The following MEGF10 variants were observed in gnomAD, a reference collection of about 807,000 sequenced individuals.
The protein encoded by MEGF10 is multiple EGF like domains 10, also known as multiple epidermal growth factor-like domains protein 10.
A neutral mutation model predicts 147.5 loss-of-function variants in MEGF10; 86 were observed. The ratio of observed to expected loss-of-function variants is 0.58; its 90% CI spans 0.49 to 0.70. The LOEUF (loss-of-function observed/expected upper bound fraction) is 0.70. Ranked by LOEUF, MEGF10 falls within the 30% of genes least tolerant of loss-of-function variation. MEGF10 has a pLI of 0.00. For synonymous variants in MEGF10, 478 were observed against 525.5 expected (o/e 0.91, Z 1.24); for missense variants, 1,329 against 1,487.3 (o/e 0.89, Z 1.75).
At chr5:127,308,709 G>A (rs2546803) in intron 1 of MEGF10, among the ~76,000 whole-genome samples, 92,982 of 145,996 alleles carry the variant, frequency 0.64, 30,203 homozygotes, top group Middle Eastern at 0.69. Flanking sequence ...ACCAGAGCCT[G>A]TTGTGGGGTG....
chr5:127,408,186 T>C (rs1764406185), intron 8 of MEGF10, among the ~76,000 whole-genome samples: 1 of 152,190 alleles, frequency 6.6e-6, no homozygotes, highest in African/African-American at 2.4e-5. Context: ...TAACAGATAA[T>C]TTCCCAGGCT....
At chr5:127,387,570 C>T (rs939178599) in intron 5 of MEGF10, among the ~76,000 whole-genome samples, 3 of 152,160 alleles carry the variant, frequency 2.0e-5, no homozygotes, top group Non-Finnish European at 2.9e-5. Flanking sequence ...TAATTGATGA[C>T]CATCACTTCT....
Position 127,457,518 on chromosome 5 carries a change from A to C in MEGF10, c.*200A>C. ...TCAGGTGGATTCGAAGGAGTTAGAG[A>C]TGTGATTTCCCATTGCTGTTAGTTT... On this transcript the variant is annotated 3_prime_UTR_variant, in exon 25 of 25. Coordinates refer to ENST00000503335, the MANE Select transcript of MEGF10 (RefSeq NM_001256545.2). 1 of 579,362 alleles carries C rather than the reference A, an allele frequency of 1.7e-6. No individual in the cohort carries two copies. The allele number at this position is 579,362 out of a possible 1,614,324, so 35.9% of individuals were successfully genotyped here.
At chr5:127,267,916 T>A in the MEGF10 span, among the ~76,000 whole-genome samples, 1 of 152,214 alleles carries the variant, frequency 6.6e-6, no homozygotes. Context: ...TGTCTCTATC[T>A]CCTTCAGTTC....
At chr5:127,372,470 A>C (rs1762882066) in intron 5 of MEGF10, among the ~76,000 whole-genome samples, 2 of 152,168 alleles carry the variant, frequency 1.3e-5, no homozygotes. Flanking sequence ...AATCAACTGC[A>C]GATGTTATTT....
rs140941993 is a variant in MEGF10 at position 127,392,695 on chromosome 5, G to A, written c.413-3837G>A. Among the ~76,000 whole-genome samples the A allele has an allele frequency of 3.1e-3, 471 of 152,294 alleles. 4 individuals are homozygous for A. Among genetic ancestry groups the A allele is most frequent in the African/African-American group, 0.011 (449 of 41,556 alleles). On this transcript the variant is annotated intron_variant, in intron 5 of 24. Transcript: ENST00000503335. ...ACCCAGCCCGTGAATGTAACCTGGGGTTACTGGGGTATTGGAAGTTATAAC... is the reference window on the plus strand; with the variant it reads ...ACCCAGCCCGTGAATGTAACCTGGGATTACTGGGGTATTGGAAGTTATAAC...
In MEGF10 at chr5:127,459,811, T is replaced by C. The variant is rs988941956; in HGVS notation, c.*2493T>C. The C allele has an allele frequency of 6.6e-6, 1 of 152,208 alleles. No homozygotes were observed. The highest frequency in any genetic ancestry group is 2.4e-5 in the African/African-American group (1 of 41,458). The allele number at this position is 152,208 out of a possible 1,614,324, so 9.4% of individuals were successfully genotyped here. ...GACTTTTCAAACATCAGGACACACATAGCAATTTGGATGTTGTAAAACTAC... is the reference window on the plus strand; with the variant it reads ...GACTTTTCAAACATCAGGACACACACAGCAATTTGGATGTTGTAAAACTAC... On this transcript the variant is annotated 3_prime_UTR_variant, in exon 25 of 25. Coordinates refer to ENST00000503335, the MANE Select transcript of MEGF10 (RefSeq NM_001256545.2).
At chr5:127,270,599 TACAAAGA>T in the MEGF10 span, among the ~76,000 whole-genome samples, 21 of 152,264 alleles carry the variant, frequency 1.4e-4, no homozygotes, top group African/African-American at 4.3e-4. Flanking sequence ...CTTAGAGACT[TACAAAGA>T]GACTTAGACT....
At chr5:127,392,158 G>A (rs1294949760) in intron 5 of MEGF10, among the ~76,000 whole-genome samples, 1 of 152,172 alleles carries the variant, frequency 6.6e-6, no homozygotes, top group Non-Finnish European at 1.5e-5. Flanking sequence ...GAGTACTGAG[G>A]GAGCAAGAGG....
Position 127,339,108 on chromosome 5 carries a change from A to G in MEGF10, c.117-12A>G. 1 of 1,539,198 alleles carries G rather than the reference A, an allele frequency of 6.5e-7. No homozygotes were observed. The highest frequency in any genetic ancestry group is 8.9e-7 in the Non-Finnish European group (1 of 1,124,324). ...AGAAATACTGATTTCTTATTTTTCC[A>G]TTTCTTTTCAGCTACTCAGTGACTG... On this transcript the variant is annotated splice_polypyrimidine_tract_variant and intron_variant, in intron 2 of 24. Transcript: ENST00000503335.
chr5:127,322,211 C>G (rs1186390917), intron 1 of MEGF10, among the ~76,000 whole-genome samples: 1 of 151,926 alleles, frequency 6.6e-6, no homozygotes, highest in Non-Finnish European at 1.5e-5. Flanking sequence ...TGCCTGAAGT[C>G]TCATGAGGTG....
the MEGF10 span, among the ~76,000 whole-genome samples, chr5:127,264,614 T>C: frequency 6.6e-6 from 1 of 152,134 alleles, no homozygotes; most frequent in Non-Finnish European, 1.5e-5. Context: ...ATCAGGCAGG[T>C]TCTCAGGAGC....
intron 4 of MEGF10, among the ~76,000 whole-genome samples, chr5:127,366,669 T>G (rs902514535): frequency 4.6e-5 from 7 of 152,240 alleles, no homozygotes; most frequent in African/African-American, 1.7e-4. Flanking sequence ...TTTTCATAAA[T>G]GTAATCCATA....
chr5:127,440,539 T>C (rs534798659), intron 17 of MEGF10, among the ~76,000 whole-genome samples, 200 bp from the exon 18 acceptor site: 1 of 152,352 alleles, frequency 6.6e-6, no homozygotes, highest in Non-Finnish European at 1.5e-5. Flanking sequence ...CTCCTGCTTA[T>C]GAATTACAAC....
intron 4 of MEGF10, among the ~76,000 whole-genome samples, chr5:127,358,857 C>T (rs921476823): frequency 6.6e-6 from 1 of 152,038 alleles, no homozygotes; most frequent in African/African-American, 2.4e-5. Flanking sequence ...ATGTTACTTA[C>T]GTTACTTAAA....
the MEGF10 span, among the ~76,000 whole-genome samples, chr5:127,260,776 C>A: frequency 6.6e-6 from 1 of 152,050 alleles, no homozygotes; most frequent in African/African-American, 2.4e-5. Context: ...AGTTAAGTGA[C>A]AAAATTATTG....
At chr5:127,341,943 C>T (rs1469809825) in intron 4 of MEGF10, among the ~76,000 whole-genome samples, 3 of 152,090 alleles carry the variant, frequency 2.0e-5, no homozygotes, top group African/African-American at 7.2e-5. Context: ...AGATAAATTC[C>T]TAGCAGTAGA....
chr5:127,393,703 T>C (rs17765), intron 5 of MEGF10, among the ~76,000 whole-genome samples: 1 of 152,220 alleles, frequency 6.6e-6, no homozygotes, highest in South Asian at 2.1e-4. Context: ...AAATTAACCA[T>C]GTCAGCATGA....
At chr5:127,336,197 C>G (rs767071145) in intron 2 of MEGF10, among the ~76,000 whole-genome samples, 5 of 151,456 alleles carry the variant, frequency 3.3e-5, no homozygotes, top group Admixed American at 1.3e-4. Flanking sequence ...CAGTTCTGTA[C>G]TGGGTTTGAG....
Sources: allele counts gnomAD v4.1 joint callset (sites outside exome capture counted in the v4.1 genomes callset), GRCh38; gene constraint gnomAD v4.1.1; transcripts MANE v1.5; gene names NCBI Gene and HGNC (gene_info 2026-07-23, HGNC 2026-07-21).